The following GPATCH8 variants were observed in gnomAD, a reference collection of about 807,000 sequenced individuals.
GPATCH8 encodes G-patch domain containing 8.
In GPATCH8, 18 loss-of-function variants were observed where a neutral mutation model predicts 118.3. The observed-to-expected ratio is 0.15, with a 90% confidence interval of 0.11 to 0.23. The LOEUF (loss-of-function observed/expected upper bound fraction) is 0.23. GPATCH8 is among the 10% of genes least tolerant of loss of function. The pLI is 1.00. For missense variants in GPATCH8, 1,631 were observed against 1,873.8 expected, an observed-to-expected ratio of 0.87 and a Z score of 2.39; for synonymous variants, 659 against 684.7, an observed-to-expected ratio of 0.96 and a Z score of 0.59.
At chr17:44,469,886 G>T (rs1214286448) in intron 2 of GPATCH8, among the ~76,000 whole-genome samples, 1 of 152,156 alleles carries the variant, frequency 6.6e-6, no homozygotes, top group Admixed American at 6.5e-5. Context: ...GTCTTATAAA[G>T]AATTACAGTT....
At chr17:44,455,211 A>G (rs566314803) in intron 3 of GPATCH8, among the ~76,000 whole-genome samples, 49 of 152,282 alleles carry the variant, frequency 3.2e-4, no homozygotes, top group Non-Finnish European at 4.7e-4. Context: ...TTCCATTTAT[A>G]AAATGAGTGG....
intron 2 of GPATCH8, among the ~76,000 whole-genome samples, chr17:44,467,555 A>T (rs867733058): frequency 3.7e-4 from 57 of 152,182 alleles, no homozygotes; most frequent in African/African-American, 1.4e-3. Context: ...CCTTCCAATC[A>T]TAACAAAGGC....
chr17:44,471,856 C>T, intron 2 of GPATCH8, among the ~76,000 whole-genome samples: 2 of 136,648 alleles, frequency 1.5e-5, no homozygotes, highest in Admixed American at 7.8e-5. Context: ...TTAAAATTTT[C>T]TGTGACCAAA....
intron 3 of GPATCH8, among the ~76,000 whole-genome samples, chr17:44,446,776 T>C (rs2144134437): frequency 6.6e-6 from 1 of 152,182 alleles, no homozygotes; most frequent in South Asian, 2.1e-4. Context: ...CCAGGATCAC[T>C]CCATTACCCC....
chr17:44,422,366 C>T (rs1208147165), intron 6 of GPATCH8, among the ~76,000 whole-genome samples: 1 of 151,984 alleles, frequency 6.6e-6, no homozygotes, highest in Admixed American at 6.6e-5. Flanking sequence ...TTGTAATTAG[C>T]TTAGATTGGG....
chr17:44,444,024 G>C (rs963676963), intron 3 of GPATCH8, among the ~76,000 whole-genome samples: 2 of 152,070 alleles, frequency 1.3e-5, no homozygotes, highest in Admixed American at 1.3e-4. Context: ...GTTTAATTAT[G>C]ACCTAAACGA....
Position 44,400,733 on chromosome 17 carries a change from C to G in GPATCH8, c.1344G>C (p.Ala448=). The change falls in exon 8 of 8, where the codon GCG becomes GCC. Residue 448 remains alanine (A), a synonymous_variant. Coordinates refer to ENST00000591680, the MANE Select transcript of GPATCH8 (RefSeq NM_001002909.4). ...SSPKPKSCIK[A]AASQGAEKTV... is the part of the protein sequence containing the mutation. Reference sequence around the variant, plus strand: ...TCTTTTCTGCTCCTTGGCTTGCTGCCGCCTTGATGCAGCTTTTAGGCTTGG... The same window carrying G: ...TCTTTTCTGCTCCTTGGCTTGCTGCGGCCTTGATGCAGCTTTTAGGCTTGG... 6.2e-7 allele frequency: 1 copy of G among 1,612,520 alleles called. No individual in the cohort carries two copies. Among genetic ancestry groups the G allele is most frequent in the Non-Finnish European group, 8.5e-7 (1 of 1,179,108 alleles).
chr17:44,418,194 G>A (rs2143833917), intron 6 of GPATCH8, among the ~76,000 whole-genome samples: 1 of 151,422 alleles, frequency 6.6e-6, no homozygotes, highest in South Asian at 2.1e-4. Flanking sequence ...AGGGAGGGAG[G>A]GAAGGAGGAT....
chr17:44,486,824 T>A (rs1968819551), intron 1 of GPATCH8: 1 of 152,226 alleles, frequency 6.6e-6, no homozygotes, highest in African/African-American at 2.4e-5. Context: ...AGAAGTGCTT[T>A]AGAAATACTG....
At chr17:44,453,229 T>C (rs1013750827) in intron 3 of GPATCH8, among the ~76,000 whole-genome samples, 1 of 152,170 alleles carries the variant, frequency 6.6e-6, no homozygotes, top group African/African-American at 2.4e-5. Context: ...CATTAAGGCC[T>C]TCCACATTCA....
chr17:44,438,420 G>A (rs925184516), intron 3 of GPATCH8, among the ~76,000 whole-genome samples: 6 of 151,918 alleles, frequency 3.9e-5, no homozygotes, highest in Admixed American at 6.6e-5. Context: ...TACATTGTGG[G>A]GAAATCAAGT....
rs1353408088 is a variant in GPATCH8, at chr17:44,396,130, C to G, written c.*1438G>C. ...AGCCTACTTCTACTTCCGTTTCTAC[C>G]AACCCAAAAGGCACATTAAAAAAAA... On this transcript the variant is annotated 3_prime_UTR_variant, in exon 8 of 8. Coordinates refer to ENST00000591680, the MANE Select transcript of GPATCH8 (RefSeq NM_001002909.4). 4 of 454,308 alleles carry G rather than the reference C, an allele frequency of 8.8e-6. No individual in the cohort carries two copies. Among genetic ancestry groups the G allele is most frequent in the Non-Finnish European group, 1.3e-5 (3 of 226,764 alleles). The allele number at this position is 454,308 out of a possible 1,614,324, so 28.1% of individuals were successfully genotyped here. A position where few individuals can be genotyped will look rare whatever the true frequency, so the allele number is the denominator to read the frequency against.
chr17:44,420,209 G>T (rs1030231965), intron 6 of GPATCH8, among the ~76,000 whole-genome samples: 1 of 151,902 alleles, frequency 6.6e-6, no homozygotes, highest in Non-Finnish European at 1.5e-5. Context: ...CCTTAATTTT[G>T]TATTTTTATT....
intron 1 of GPATCH8, among the ~76,000 whole-genome samples, chr17:44,495,182 A>G (rs1969567320): frequency 6.6e-6 from 1 of 152,052 alleles, no homozygotes; most frequent in African/African-American, 2.4e-5. Flanking sequence ...AAAAATACAA[A>G]AATTAGCCAG....
chr17:44,462,818 A>T (rs935952256), intron 3 of GPATCH8, among the ~76,000 whole-genome samples: 1 of 151,866 alleles, frequency 6.6e-6, no homozygotes, highest in Non-Finnish European at 1.5e-5. Flanking sequence ...CCGTCTCTAT[A>T]AAAATACAAA....
chr17:44,500,847 G>A (rs1336446032), intron 1 of GPATCH8, among the ~76,000 whole-genome samples: 1 of 152,166 alleles, frequency 6.6e-6, no homozygotes, highest in African/African-American at 2.4e-5. Flanking sequence ...TGAATAACCT[G>A]AAGCTGAAAA....
chr17:44,404,411 G>A (rs1268286343), intron 7 of GPATCH8, among the ~76,000 whole-genome samples: 1 of 152,150 alleles, frequency 6.6e-6, no homozygotes, highest in East Asian at 1.9e-4. Context: ...CCAAGGTGCT[G>A]GGATTACAGG....
chr17:44,426,933 T>C (rs1214585233), intron 5 of GPATCH8, among the ~76,000 whole-genome samples: 2 of 151,964 alleles, frequency 1.3e-5, no homozygotes, highest in African/African-American at 4.8e-5. Flanking sequence ...CTATAAGATA[T>C]CTAAGGAAAG....
At chr17:44,471,979 CT>C (rs895194636) in intron 2 of GPATCH8, among the ~76,000 whole-genome samples, 209 of 145,110 alleles carry the variant, frequency 1.4e-3, no homozygotes, top group African/African-American at 3.6e-3. Context: ...GTCAATACTT[CT>C]TTTTTTTTTT....
Sources: allele counts gnomAD v4.1 joint callset (sites outside exome capture counted in the v4.1 genomes callset), GRCh38; gene constraint gnomAD v4.1.1; transcripts MANE v1.5; gene names NCBI Gene and HGNC (gene_info 2026-07-23, HGNC 2026-07-21).